The following FRY variants were observed in gnomAD, a reference collection of about 807,000 sequenced individuals.
The protein encoded by FRY is protein furry homolog.
Under a neutral mutation model 348.4 loss-of-function variants are expected in FRY, and 128 were observed. The ratio of observed to expected loss-of-function variants is 0.37; its 90% CI spans 0.32 to 0.43. FRY has a LOEUF of 0.43. Ranked by LOEUF, FRY falls within the 20% of genes least tolerant of loss-of-function variation. FRY has a pLI of 1.00. For missense variants in FRY, 2,736 were observed against 3,695.2 expected, an observed-to-expected ratio of 0.74 and a Z score of 6.73; for synonymous variants, 1,370 against 1,374.7, an observed-to-expected ratio of 1.00 and a Z score of 0.08.
chr13:32,067,815 A>G (rs1874357189), intron 1 of FRY, among the ~76,000 whole-genome samples: 1 of 152,192 alleles, frequency 6.6e-6, no homozygotes, highest in African/African-American at 2.4e-5. Context: ...TGTTCTTTCC[A>G]CTATATTTTA....
chr13:32,281,383 A>G (rs1243098069), intron 58 of FRY, among the ~76,000 whole-genome samples: 3 of 152,214 alleles, frequency 2.0e-5, no homozygotes, highest in Non-Finnish European at 4.4e-5. Flanking sequence ...GAAGCAAAAC[A>G]TACACATGGG....
In FRY at chr13:32,239,477, C is replaced by T; in HGVS notation, c.6516+128C>T. On this transcript the variant is annotated intron_variant, in intron 45 of 60. Coordinates refer to ENST00000542859, the MANE Select transcript of FRY (RefSeq NM_023037.3). This position sits in a 1 kb window ranked among gnomAD's most constrained non-coding sequence, Gnocchi z 4.3. The stretch of plus-strand genomic sequence containing the variant: ...AAACTGGAAATAATAACTAATATCA[C>T]AGTAATGGAAATATAGGGGTGGCTG... The T allele has an allele frequency of 1.3e-6, 1 of 748,014 alleles. No individual in the cohort carries two copies. The highest frequency in any genetic ancestry group is 1.9e-5 in the Admixed American group (1 of 52,290). The allele number at this position is 748,014 out of a possible 1,614,324, so 46.3% of individuals were successfully genotyped here.
intron 11 of FRY, among the ~76,000 whole-genome samples, chr13:32,145,482 T>C (rs539451448): frequency 1.3e-5 from 2 of 150,568 alleles, no homozygotes; most frequent in Non-Finnish European, 3.0e-5. Flanking sequence ...AGGAATGAAG[T>C]GTCCACAGAT....
In FRY at chr13:32,274,934, T is replaced by G; in HGVS notation, c.8229T>G (p.Ser2743=). 2 of 1,613,466 alleles carry G rather than the reference T, an allele frequency of 1.2e-6. No homozygotes were observed. Among genetic ancestry groups the G allele is most frequent in the African/African-American group, 1.3e-5 (1 of 75,024 alleles). ...LRGIGSKFVS[S]SQMLTSCSEC... ...GAATCGGATCCAAATTTGTCAGCTCTTCCCAGATGCTCACCTCCTGCTCTG... is the reference window on the plus strand; with the variant it reads ...GAATCGGATCCAAATTTGTCAGCTCGTCCCAGATGCTCACCTCCTGCTCTG... The change falls in exon 56 of 61, where the codon TCT becomes TCG. Residue 2743 remains serine (S), a synonymous_variant. Transcript: ENST00000542859.
At chr13:32,260,102 G>C (rs1205120002) in intron 51 of FRY, among the ~76,000 whole-genome samples, 1 of 152,222 alleles carries the variant, frequency 6.6e-6, no homozygotes, top group Non-Finnish European at 1.5e-5. Context: ...TTATATGACA[G>C]ATCTGTGAGA....
chr13:32,113,709 A>T lies in FRY; in HGVS notation c.325-3625A>T, dbSNP rs377107266. Among the ~76,000 whole-genome samples, 40 of 152,298 alleles carry T rather than the reference A, an allele frequency of 2.6e-4. 1 individual carries two copies. The highest frequency in any genetic ancestry group is 2.1e-3 in the East Asian group (11 of 5,184). On this transcript the variant is annotated intron_variant, in intron 3 of 60. Transcript: ENST00000542859. ...GCACAGAGCTAGAATTCATCTTACC[A>T]TTGGCTCTGCTTCCCGTAAATGAAG...
At chr13:32,156,171 C>A (rs947434044) in intron 15 of FRY, among the ~76,000 whole-genome samples, 2 of 152,198 alleles carry the variant, frequency 1.3e-5, no homozygotes, top group African/African-American at 4.8e-5. Context: ...TTGTTCATTT[C>A]TTACCAAGTA....
intron 1 of FRY, among the ~76,000 whole-genome samples, chr13:32,068,310 G>C (rs1874385889): frequency 6.6e-6 from 1 of 152,156 alleles, no homozygotes; most frequent in Non-Finnish European, 1.5e-5. Context: ...AAGGACACCT[G>C]AATGAGAGCA....
intron 44 of FRY, among the ~76,000 whole-genome samples, chr13:32,238,499 CTGGAG>C (rs1263109779): frequency 2.6e-5 from 4 of 152,058 alleles, no homozygotes; most frequent in African/African-American, 9.7e-5. Flanking sequence ...TGTCGCCAGG[CTGGAG>C]TTCAGTGGCG....
At chr13:32,209,973 T>C (rs1289606186) in intron 33 of FRY, among the ~76,000 whole-genome samples, 2 of 152,318 alleles carry the variant, frequency 1.3e-5, no homozygotes, top group East Asian at 3.9e-4. Context: ...CAGAAACCTA[T>C]TGATATAGCA....
At chr13:32,227,926 A>G (rs1455330029) in intron 39 of FRY, among the ~76,000 whole-genome samples, 4 of 151,956 alleles carry the variant, frequency 2.6e-5, no homozygotes, top group Non-Finnish European at 5.9e-5. Flanking sequence ...TAATTTTTGT[A>G]TTTTTGGTAG....
intron 2 of FRY, chr13:32,085,813 A>G (rs1190023441): frequency 5.8e-6 from 3 of 513,498 alleles, no homozygotes; most frequent in African/African-American, 1.9e-5. Flanking sequence ...CCATTTATCA[A>G]TACTGTCAGG....
At chr13:32,252,808 A>G (rs1447270115) in intron 50 of FRY, among the ~76,000 whole-genome samples, 1 of 152,144 alleles carries the variant, frequency 6.6e-6, no homozygotes, top group African/African-American at 2.4e-5. Flanking sequence ...CGTCTGGGAA[A>G]GCACCCCAGC....
At chr13:32,065,965 A>G (rs1361702020) in intron 1 of FRY, among the ~76,000 whole-genome samples, 28 of 152,170 alleles carry the variant, frequency 1.8e-4, no homozygotes, top group Admixed American at 1.8e-3. Flanking sequence ...TGAACCCCAT[A>G]TAATCAGTAT....
At chr13:32,110,325 G>A (rs1244691974) in intron 3 of FRY, among the ~76,000 whole-genome samples, 1 of 152,038 alleles carries the variant, frequency 6.6e-6, no homozygotes, top group Non-Finnish European at 1.5e-5. Flanking sequence ...CCTTCAAGTG[G>A]TTTTCTTCGT....
chr13:32,200,709 A>C (rs115977185), intron 29 of FRY, among the ~76,000 whole-genome samples: 38 of 152,366 alleles, frequency 2.5e-4, no homozygotes, highest in African/African-American at 9.1e-4. Flanking sequence ...ATAGAATTAC[A>C]TAGCAAGAAA....
intron 58 of FRY, among the ~76,000 whole-genome samples, chr13:32,285,960 A>G (rs533552147): frequency 6.6e-5 from 10 of 152,128 alleles, no homozygotes; most frequent in African/African-American, 2.2e-4. Context: ...TCAGAGGCTT[A>G]CAGGTGTTTG....
At chr13:32,152,261 ACAAG>A (rs1880842373) in intron 14 of FRY, among the ~76,000 whole-genome samples, 1 of 152,222 alleles carries the variant, frequency 6.6e-6, no homozygotes, top group Non-Finnish European at 1.5e-5. Context: ...GTAGAAATCA[ACAAG>A]CTGATTCCAA....
At chr13:32,058,298 T>G (rs1290852538) in intron 1 of FRY, among the ~76,000 whole-genome samples, 1 of 152,206 alleles carries the variant, frequency 6.6e-6, no homozygotes, top group Non-Finnish European at 1.5e-5. Context: ...GAATACAGTT[T>G]TTTTCTAAAA....
Sources: gnomAD v4.1 joint callset for allele counts (sites outside exome capture counted in the v4.1 genomes callset) on GRCh38, gnomAD v4.1.1 for gene constraint, Gnocchi (gnomAD v3.1) non-coding constraint, MANE v1.5 for transcripts, NCBI Gene and HGNC (gene_info 2026-07-23, HGNC 2026-07-21) for gene names.